The following BABAM2 variants were observed in gnomAD, a reference collection of about 807,000 sequenced individuals.
The protein encoded by BABAM2 is BRISC and BRCA1 A complex member 2, also known as BRISC and BRCA1-A complex member 2.
A neutral mutation model predicts 54.7 loss-of-function variants in BABAM2; 31 were observed. That is an observed-to-expected ratio of 0.57 (90% CI 0.43 to 0.77). BABAM2 has a LOEUF of 0.77. BABAM2 is among the 30% of genes least tolerant of loss of function. The pLI, the probability that BABAM2 is intolerant of heterozygous loss-of-function variation, is 0.00. For missense variants in BABAM2, 364 were observed against 455.8 expected (o/e 0.80, Z 1.83); for synonymous variants, 167 against 162.9 (o/e 1.03, Z -0.19).
At chr2:28,036,054 C>T (rs1676635028) in intron 5 of BABAM2, among the ~76,000 whole-genome samples, 1 of 152,122 alleles carries the variant, frequency 6.6e-6, no homozygotes, top group Non-Finnish European at 1.5e-5. Flanking sequence ...ATTGCGCCCC[C>T]TTACTTATCT....
chr2:28,165,041 T>C (rs1393361281), intron 7 of BABAM2, among the ~76,000 whole-genome samples: 1 of 152,356 alleles, frequency 6.6e-6, no homozygotes, highest in East Asian at 1.9e-4. Flanking sequence ...CAAGAAATAT[T>C]TGTTTAGCTC....
At chr2:28,295,937 A>T (rs778406781) in intron 10 of BABAM2, among the ~76,000 whole-genome samples, 1 of 152,130 alleles carries the variant, frequency 6.6e-6, no homozygotes, top group African/African-American at 2.4e-5. Context: ...GTGAAATTTG[A>T]TCTCTACTAA....
At chr2:28,247,185 G>A (rs1229988129) in intron 10 of BABAM2, among the ~76,000 whole-genome samples, 4 of 152,030 alleles carry the variant, frequency 2.6e-5, no homozygotes, top group African/African-American at 4.8e-5. Flanking sequence ...GTACTCCCCC[G>A]GCTGTTTGGT....
chr2:27,948,695 C>T (rs1020313770), intron 3 of BABAM2, among the ~76,000 whole-genome samples: 3 of 152,064 alleles, frequency 2.0e-5, no homozygotes, highest in East Asian at 1.9e-4. Context: ...TGCTTGAACC[C>T]GGGAGGTGGA....
chr2:28,338,580 G>A lies in BABAM2; in HGVS notation c.*67G>A, dbSNP rs1231177373. 1.2e-5 allele frequency: 19 copies of A among 1,571,150 alleles called. No homozygotes were observed. Among genetic ancestry groups the A allele is most frequent in the Admixed American group, 3.3e-5 (2 of 59,704 alleles). ...CACATGCGTGTCAGCACATACAGCC[G>A]CTTCCTGGAAGCCGCCTGGAATGTC... On this transcript the variant is annotated 3_prime_UTR_variant, in exon 12 of 12. Transcript: ENST00000379624.
intron 6 of BABAM2, among the ~76,000 whole-genome samples, chr2:28,053,844 C>T (rs1678186732): frequency 6.6e-6 from 1 of 152,044 alleles, no homozygotes; most frequent in Non-Finnish European, 1.5e-5. Flanking sequence ...CAGCTACAGA[C>T]AATATGTAAA....
intron 6 of BABAM2, among the ~76,000 whole-genome samples, chr2:28,122,887 G>T (rs1048092799): frequency 1.6e-4 from 24 of 152,176 alleles, no homozygotes; most frequent in African/African-American, 4.6e-4. Flanking sequence ...CTTATTAATA[G>T]GTGTATCCTT....
intron 7 of BABAM2, among the ~76,000 whole-genome samples, chr2:28,208,837 G>T (rs907884566): frequency 9.2e-5 from 14 of 152,186 alleles, no homozygotes; most frequent in African/African-American, 3.4e-4. Flanking sequence ...AGATGAAATG[G>T]TAACCTATGA....
At chr2:27,963,439 C>T (rs189221793) in intron 3 of BABAM2, among the ~76,000 whole-genome samples, 184 of 131,100 alleles carry the variant, frequency 1.4e-3, no homozygotes, top group Admixed American at 6.2e-3. Context: ...CACTGCATTC[C>T]AGCCTGGGTG....
rs570121032 is a variant in BABAM2 at position 27,933,451 on chromosome 2, G to T, written c.205+3543G>T. 9.2e-4 allele frequency among the ~76,000 whole-genome samples: 137 copies of T among 148,782 alleles called. 2 individuals carry two copies. The highest frequency in any genetic ancestry group is 3.2e-3 in the African/African-American group (129 of 40,564). On this transcript the variant is annotated intron_variant, in intron 3 of 11. Transcript: ENST00000379624. ...AAAGTTCATAGAATTAGAAAGATGAGTTTTTTTTTTAAAAAACACATATAT... is the reference window on the plus strand; with the variant it reads ...AAAGTTCATAGAATTAGAAAGATGATTTTTTTTTTTAAAAAACACATATAT...
chr2:28,215,689 A>G (rs1679859031), intron 7 of BABAM2, among the ~76,000 whole-genome samples: 2 of 151,420 alleles, frequency 1.3e-5, no homozygotes, highest in South Asian at 4.2e-4. Context: ...TCTCCTACCC[A>G]TTTCCCTCTG....
At chr2:28,320,504 G>A (rs540819456) in intron 11 of BABAM2, among the ~76,000 whole-genome samples, 20 of 152,374 alleles carry the variant, frequency 1.3e-4, no homozygotes, top group African/African-American at 2.9e-4. Flanking sequence ...AGGGCAGGAC[G>A]GGGGCCCAGG....
chr2:28,196,766 T>A (rs1361982005), intron 7 of BABAM2, among the ~76,000 whole-genome samples: 3 of 144,706 alleles, frequency 2.1e-5, no homozygotes, highest in Non-Finnish European at 3.0e-5. Context: ...GAAGGATTGC[T>A]GGAGCCCAGA....
intron 3 of BABAM2, among the ~76,000 whole-genome samples, chr2:27,935,846 A>C (rs759975899): frequency 2.0e-5 from 3 of 152,206 alleles, no homozygotes; most frequent in Non-Finnish European, 2.9e-5. Context: ...AGAGATTGTG[A>C]CTTGGTGGAG....
At chr2:28,013,040 G>T (rs573294561) in intron 4 of BABAM2, among the ~76,000 whole-genome samples, 40 of 152,280 alleles carry the variant, frequency 2.6e-4, no homozygotes, top group African/African-American at 9.2e-4. Flanking sequence ...CTGCATACTG[G>T]TTACCTTCTT....
At chr2:28,097,791 C>T (rs1457659787) in intron 6 of BABAM2, among the ~76,000 whole-genome samples, 3 of 152,150 alleles carry the variant, frequency 2.0e-5, no homozygotes, top group South Asian at 2.1e-4. Flanking sequence ...CTAGCCTGCA[C>T]GTATGGTGTG....
chr2:27,927,838 G>GTTTTT (rs376186465), intron 2 of BABAM2, among the ~76,000 whole-genome samples: 18 of 135,766 alleles, frequency 1.3e-4, no homozygotes, highest in South Asian at 2.3e-4. Flanking sequence ...TAAAGTTTCT[G>GTTTTT]TTTTTTTTTT....
intron 11 of BABAM2, 62 bp downstream of exon 11, chr2:28,298,553 T>G: frequency 5.4e-5 from 86 of 1,595,694 alleles, no homozygotes; most frequent in Middle Eastern, 1.7e-4. Flanking sequence ...GTCCAGGGGT[T>G]GGCAAGCTAC....
rs1220258571 is a variant in BABAM2, at chr2:28,026,935, TATAA to T, written c.495+1519_495+1522del. On this transcript the variant is annotated intron_variant, in intron 5 of 11. Coordinates refer to ENST00000379624, the MANE Select transcript of BABAM2 (RefSeq NM_199191.3). Reference sequence around the variant, plus strand: ...ATATATTAATATATATAAATATATATATAAATATATATTAATATATATAAATATA... The same window carrying T: ...ATATATTAATATATATAAATATATATATATATATTAATATATATAAATATA... Among the ~76,000 whole-genome samples the T allele has an allele frequency of 3.4e-4, 5 of 14,766 alleles. 1 individual carries two copies. In the East Asian group the frequency reaches 0.056, roughly 164 times the overall value. 9.7% of individuals were successfully genotyped at this position (14,766 alleles called of 152,430 possible).
Sources: allele counts gnomAD v4.1 joint callset (sites outside exome capture counted in the v4.1 genomes callset), GRCh38; gene constraint gnomAD v4.1.1; transcripts MANE v1.5; gene names NCBI Gene and HGNC (gene_info 2026-07-23, HGNC 2026-07-21).